Variants in ADK observed in about 807,000 individuals in gnomAD.
ADK encodes the protein N6,N6-dimethyladenosine kinase.
A neutral mutation model predicts 44.7 loss-of-function variants in ADK; 24 were observed. The observed-to-expected ratio is 0.54, with a 90% CI of 0.39 to 0.76. The LOEUF is 0.76. Ranked by LOEUF, ADK falls within the 30% of genes least tolerant of loss-of-function variation. The probability of loss-of-function intolerance (pLI) is 0.00; values close to 1 mark genes in which losing one functional copy is unlikely to be tolerated. For synonymous variants in ADK, 128 were observed against 142.6 expected (o/e 0.90, Z 0.73); for missense variants, 321 against 425.1 (o/e 0.76, Z 2.15).
chr10:74,176,541 A>G, intron 1 of ADK: 14 of 1,274,622 alleles, frequency 1.1e-5, no homozygotes, highest in Admixed American at 3.6e-5. Context: ...CTGCGGGGTG[A>G]CGGGACGCTG....
intron 1 of ADK, among the ~76,000 whole-genome samples, chr10:74,172,489 G>C (rs1299305293): frequency 1.3e-5 from 2 of 152,060 alleles, no homozygotes; most frequent in Admixed American, 1.3e-4. Context: ...GGGAGTTTGA[G>C]ACCAGCCTGA....
At position 74,371,509 on chromosome 10, in the gene ADK, C is replaced by T. The variant is rs143517127; in HGVS notation, c.274-22632C>T. On this transcript the variant is annotated intron_variant, in intron 4 of 10. Coordinates refer to ENST00000539909, the MANE Select transcript of ADK (RefSeq NM_006721.4). ...TACGGCGTTCTTTCTGGATTCCCATCGTAGCTTAAAGCGAAACTTTTCACC... is the reference window on the plus strand; with the variant it reads ...TACGGCGTTCTTTCTGGATTCCCATTGTAGCTTAAAGCGAAACTTTTCACC... 1.2e-3 allele frequency: 905 copies of T among 740,210 alleles called. 11 individuals are homozygous for T. In the African/African-American group the frequency reaches 0.012, roughly 10 times the overall value. The allele number at this position is 740,210 out of a possible 1,614,324, so 45.9% of individuals were successfully genotyped here.
At chr10:74,380,483 C>G (rs895017863) in intron 4 of ADK, among the ~76,000 whole-genome samples, 1 of 151,996 alleles carries the variant, frequency 6.6e-6, no homozygotes, top group Non-Finnish European at 1.5e-5. Context: ...CTTCTCCGGG[C>G]GCAGTGGCTC....
At chr10:74,451,067 C>CTTTTTTTTT (rs35120068) in intron 6 of ADK, among the ~76,000 whole-genome samples, 91 of 72,184 alleles carry the variant, frequency 1.3e-3, no homozygotes, top group East Asian at 1.6e-3. Flanking sequence ...GCTCTGCTGC[C>CTTTTTTTTT]TTTTTTTTTT....
chr10:74,279,595 A>AG (rs1281608877), intron 3 of ADK, among the ~76,000 whole-genome samples: 1 of 151,644 alleles, frequency 6.6e-6, no homozygotes, highest in Non-Finnish European at 1.5e-5. Context: ...AAAAAAAAAA[A>AG]TTGAGTGCCT....
chr10:74,611,265 A>G (rs1852532788), intron 9 of ADK, among the ~76,000 whole-genome samples: 1 of 152,072 alleles, frequency 6.6e-6, no homozygotes, highest in African/African-American at 2.4e-5. Flanking sequence ...TCCTGAGCTC[A>G]AGTAATCTGC....
chr10:74,657,699 A>C (rs1854538426), intron 9 of ADK, among the ~76,000 whole-genome samples: 1 of 152,256 alleles, frequency 6.6e-6, no homozygotes, highest in African/African-American at 2.4e-5. Flanking sequence ...TTGTTAATTG[A>C]GCACCTACTC....
chr10:74,171,787 T>G (rs1842164786), intron 1 of ADK, among the ~76,000 whole-genome samples: 1 of 149,794 alleles, frequency 6.7e-6, no homozygotes. Flanking sequence ...GCGCTCACTC[T>G]CTTTCTGTCT....
chr10:74,573,390 G>A (rs555407354), intron 7 of ADK, among the ~76,000 whole-genome samples: 15 of 152,290 alleles, frequency 9.8e-5, no homozygotes, highest in South Asian at 8.3e-4. Flanking sequence ...GTGCCCGGCC[G>A]TGTGAGGTGT....
chr10:74,161,208 A>G (rs1474037943), intron 1 of ADK, among the ~76,000 whole-genome samples: 1 of 152,034 alleles, frequency 6.6e-6, no homozygotes, highest in Non-Finnish European at 1.5e-5. Context: ...AGGAATTCCT[A>G]TTTATTTTTT....
chr10:74,522,894 T>C (rs35138612), intron 6 of ADK, among the ~76,000 whole-genome samples: 1,933 of 152,290 alleles, frequency 0.013, 21 homozygotes, highest in Non-Finnish European at 0.019. Context: ...TAGATCCTTT[T>C]CTTTGAAAAG....
At chr10:74,565,597 C>T (rs560938710) in intron 7 of ADK, among the ~76,000 whole-genome samples, 1 of 151,904 alleles carries the variant, frequency 6.6e-6, no homozygotes, top group Non-Finnish European at 1.5e-5. Flanking sequence ...CATGGTGGCG[C>T]ATGCCTGTAA....
intron 4 of ADK, among the ~76,000 whole-genome samples, chr10:74,336,002 T>G (rs1267161979): frequency 6.6e-6 from 1 of 152,214 alleles, no homozygotes; most frequent in Non-Finnish European, 1.5e-5. Context: ...ACAATGTCTT[T>G]CAGTGAGCAG....
At chr10:74,309,631 A>G (rs1840368956) in intron 3 of ADK, among the ~76,000 whole-genome samples, 1 of 152,178 alleles carries the variant, frequency 6.6e-6, no homozygotes, top group Non-Finnish European at 1.5e-5. Context: ...CAGAGGTAGC[A>G]GGGAGGTTTA....
chr10:74,259,678 C>T (rs543149561), intron 3 of ADK, among the ~76,000 whole-genome samples: 12 of 151,718 alleles, frequency 7.9e-5, no homozygotes, highest in African/African-American at 2.2e-4. Context: ...AGGATGGTCT[C>T]GATCTCCTGA....
intron 4 of ADK, among the ~76,000 whole-genome samples, chr10:74,327,259 A>AT: frequency 6.6e-6 from 1 of 151,298 alleles, no homozygotes; most frequent in East Asian, 1.9e-4. Flanking sequence ...TTTCTCTTTA[A>AT]TTTTTTCATT....
intron 6 of ADK, among the ~76,000 whole-genome samples, chr10:74,404,209 T>C (rs1263466166): frequency 1.3e-5 from 2 of 151,742 alleles, no homozygotes; most frequent in East Asian, 3.9e-4. Context: ...TTTGTTAATA[T>C]ATGTCTCACA....
intron 4 of ADK, among the ~76,000 whole-genome samples, chr10:74,331,503 A>T (rs536174034): frequency 1.3e-5 from 2 of 152,322 alleles, no homozygotes; most frequent in Middle Eastern, 3.4e-3. Context: ...TTATTTTTTT[A>T]GACGGAGTTT....
chr10:74,306,334 C>T (rs1484196685), intron 3 of ADK, among the ~76,000 whole-genome samples: 2 of 151,878 alleles, frequency 1.3e-5, no homozygotes, highest in African/African-American at 4.8e-5. Context: ...TGAGTCTTTT[C>T]ACTTTTTCTA....
Sources: allele counts gnomAD v4.1 joint callset (sites outside exome capture counted in the v4.1 genomes callset), GRCh38; gene constraint gnomAD v4.1.1; transcripts MANE v1.5; gene names NCBI Gene and HGNC (gene_info 2026-07-23, HGNC 2026-07-21).